CUL4B: variants seen among roughly 807,000 people sequenced by gnomAD.
The protein encoded by CUL4B is cullin-4B.
A neutral mutation model predicts 69.2 loss-of-function variants in CUL4B; 1 was observed. The observed-to-expected ratio is 0.01, with a 90% CI of 0.01 to 0.07. The LOEUF (loss-of-function observed/expected upper bound fraction) is 0.07, where lower values mean the gene tolerates loss of function less well. Among genes scored for constraint, CUL4B ranks in the 10% least tolerant of loss-of-function variants. CUL4B has a pLI of 1.00. For missense variants in CUL4B, 328 were observed against 638.8 expected (o/e 0.51, Z 5.24); for synonymous variants, 237 against 223.2 (o/e 1.06, Z -0.55).
At chrX:120,565,294 G>A (rs1284141340), upstream of CUL4B, among the ~76,000 whole-genome samples, 2 of 110,332 alleles carry the variant, frequency 1.8e-5, no homozygotes, top group African/African-American at 6.6e-5. Context: ...CTTAGGAATG[G>A]GAGAGACTGC....
In CUL4B at chrX:120,538,644, A is replaced by G. The variant is rs756920132; in HGVS notation, c.1852+16T>C. ...CAGGAATCAAAGAAAAGGAACAGAA[A>G]GAATGAGAAACCTACCATGTTTAAG... On this transcript the variant is annotated intron_variant, in intron 13 of 19. Transcript: ENST00000371322. The G allele has an allele frequency of 3.8e-6, 4 of 1,051,544 alleles. No individual in the cohort carries two copies. Among genetic ancestry groups the G allele is most frequent in the Non-Finnish European group, 4.0e-6 (3 of 750,531 alleles). 86.7% of individuals were successfully genotyped at this position (1,051,544 alleles called of 1,213,427 possible).
In CUL4B at chrX:120,525,425, CAAAAT is replaced by C. The variant is rs1204892872; in HGVS notation, c.*1331_*1335del. 6 of 111,230 alleles carry C rather than the reference CAAAAT, an allele frequency of 5.4e-5. No individual in the cohort carries two copies. The highest frequency in any genetic ancestry group is 2.0e-4 in the African/African-American group (6 of 30,706). 9.2% of individuals were successfully genotyped at this position (111,230 alleles called of 1,213,427 possible). A position where few individuals can be genotyped will look rare whatever the true frequency, so the allele number is the denominator to read the frequency against. ...CTTCAAGGAAATAGAAACAAGGAAACAAAATAAAAACAAAAAAAAATCAGTGACAG... is the reference window on the plus strand; with the variant it reads ...CTTCAAGGAAATAGAAACAAGGAAACAAAAACAAAAAAAAATCAGTGACAG... On this transcript the variant is annotated 3_prime_UTR_variant, in exon 20 of 20. Coordinates refer to ENST00000371322, the MANE Select transcript of CUL4B (RefSeq NM_001079872.2).
Position 120,550,611 on chromosome X carries a change from CAG to C in CUL4B, c.673-3374_673-3373del, listed in dbSNP as rs768464875. Among the ~76,000 whole-genome samples, 366 of 111,998 alleles carry C rather than the reference CAG, an allele frequency of 3.3e-3. 1 individual carries two copies. The highest frequency in any genetic ancestry group is 0.012 in the African/African-American group (355 of 30,816). On this transcript the variant is annotated intron_variant, in intron 2 of 19. Coordinates refer to ENST00000371322, the MANE Select transcript of CUL4B (RefSeq NM_001079872.2). ...GAGAATTAAGCTGGGCTTTACAGCA[CAG>C]AGTCTCACCTGTGTTTGGCTGGAGG...
intron 14 of CUL4B, among the ~76,000 whole-genome samples, chrX:120,537,373 CT>C (rs1252162186): frequency 2.7e-5 from 3 of 110,946 alleles, no homozygotes; most frequent in Non-Finnish European, 1.9e-5. Context: ...TTGAATACCC[CT>C]ATGTGGCTTA....
chrX:120,527,945 G>T (rs776777559), intron 19 of CUL4B, among the ~76,000 whole-genome samples: 1 of 112,285 alleles, frequency 8.9e-6, no homozygotes, highest in Non-Finnish European at 1.9e-5. Flanking sequence ...CCTTCGCGTG[G>T]TTAAATACAA....
At chrX:120,534,699 C>T in intron 16 of CUL4B, 113 bp from the exon 17 acceptor site, 1 of 543,340 alleles carries the variant, frequency 1.8e-6, no homozygotes, top group Non-Finnish European at 3.2e-6. Context: ...ACATGATTAG[C>T]ATTATCCAGC....
chrX:120,532,460 A>G lies in CUL4B; in HGVS notation c.2401T>C (p.Phe801Leu). 8.3e-7 allele frequency: 1 copy of G among 1,206,132 alleles called. No homozygotes were observed. Among genetic ancestry groups the G allele is most frequent in the Non-Finnish European group, 1.1e-6 (1 of 890,711 alleles). ...ICNDDFKHKLFRIKINQIQMK... is the reference protein window; with the variant it reads ...ICNDDFKHKLLRIKINQIQMK... ...TGGATTTGATTGATCTTTATCCTGA[A>G]AAGTTTATGTTTGAAATCATCATTA... is the stretch of plus-strand genomic sequence containing the variant. The change falls in exon 18 of 20, where the codon TTC (phenylalanine) becomes CTC (leucine). Residue 801 changes from phenylalanine to leucine, a missense_variant. By Grantham distance (22) the Phe-to-Leu change is conservative (BLOSUM62 0). Around this residue, in one of 4 missense-constraint regions of CUL4B, gnomAD observed 98 missense variants for 296.8 expected, o/e 0.33. Transcript: ENST00000371322.
upstream of CUL4B, among the ~76,000 whole-genome samples, chrX:120,565,137 G>A (rs766516618): frequency 2.7e-5 from 3 of 110,616 alleles, no homozygotes; most frequent in East Asian, 8.6e-4. Context: ...TCCCCAGGGT[G>A]CTTGGGGAAT....
At chrX:120,561,008 G>A, upstream of CUL4B, 1 of 966,079 alleles carries the variant, frequency 1.0e-6, no homozygotes, top group Non-Finnish European at 1.3e-6. Flanking sequence ...CCTGGGAGGG[G>A]AGAGGCTGTG....
intron 9 of CUL4B, among the ~76,000 whole-genome samples, chrX:120,542,064 C>T (rs929683445): frequency 2.7e-5 from 3 of 110,717 alleles, no homozygotes; most frequent in South Asian, 3.8e-4. Context: ...CCCCCTCCCC[C>T]TCTCTATTTT....
chrX:120,541,350 T>C (rs2147330797), intron 10 of CUL4B, among the ~76,000 whole-genome samples: 1 of 111,265 alleles, frequency 9.0e-6, no homozygotes, highest in African/African-American at 3.3e-5. Flanking sequence ...AAATACAAAA[T>C]TAGCCAGGCA....
At chrX:120,534,258 C>T (rs1923512565) in intron 17 of CUL4B, among the ~76,000 whole-genome samples, 1 of 106,217 alleles carries the variant, frequency 9.4e-6, no homozygotes, top group Non-Finnish European at 1.9e-5. Context: ...CTTGTAGTCC[C>T]ATCTGCTTGG....
intron 2 of CUL4B, among the ~76,000 whole-genome samples, chrX:120,551,137 C>T (rs1390104176): frequency 9.0e-6 from 1 of 111,674 alleles, no homozygotes; most frequent in Non-Finnish European, 1.9e-5. Context: ...AACTTCCCCA[C>T]CACCATACTT....
At chrX:120,528,129 G>A (rs1344164493) in intron 19 of CUL4B, among the ~76,000 whole-genome samples, 1 of 111,588 alleles carries the variant, frequency 9.0e-6, no homozygotes, top group Non-Finnish European at 1.9e-5. Flanking sequence ...TATTTAGACC[G>A]GGTGTGGTGG....
At chrX:120,552,864 T>C in intron 2 of CUL4B, among the ~76,000 whole-genome samples, 1 of 112,022 alleles carries the variant, frequency 8.9e-6, no homozygotes, top group Non-Finnish European at 1.9e-5. Context: ...AACAAAAAAT[T>C]CAACAACTGA....
intron 9 of CUL4B, 84 bp downstream of exon 9, chrX:120,542,882 A>T: frequency 1.4e-6 from 1 of 702,580 alleles, no homozygotes; most frequent in Non-Finnish European, 2.2e-6. Flanking sequence ...TCAAACTTTT[A>T]AAAGGGCAAC....
At chrX:120,540,593 A>G (rs2097123367) in intron 10 of CUL4B, 31 bp from the exon 11 acceptor site, 1 of 1,019,787 alleles carries the variant, frequency 9.8e-7, no homozygotes, top group Non-Finnish European at 1.4e-6. Context: ...TTTTTACTGT[A>G]ATCGAATTGT....
Position 120,525,244 on chromosome X carries a change from A to C in CUL4B, c.*1517T>G, listed in dbSNP as rs1407065522. Reference sequence around the variant, plus strand: ...CTCAAGCAAACAATCAACAGTAGACACAAGAGTCAAAAATCTTCTCAGGTT... The same window carrying C: ...CTCAAGCAAACAATCAACAGTAGACCCAAGAGTCAAAAATCTTCTCAGGTT... On this transcript the variant is annotated 3_prime_UTR_variant, in exon 20 of 20. Coordinates refer to ENST00000371322, the MANE Select transcript of CUL4B (RefSeq NM_001079872.2). 1 of 111,966 alleles carries C rather than the reference A, an allele frequency of 8.9e-6. No individual in the cohort carries two copies. The highest frequency in any genetic ancestry group is 3.2e-5 in the African/African-American group (1 of 30,857). 9.2% of individuals were successfully genotyped at this position (111,966 alleles called of 1,213,427 possible). A position where few individuals can be genotyped will look rare whatever the true frequency, so the allele number is the denominator to read the frequency against.
rs1922848718 is a variant in CUL4B, at chrX:120,524,197, T to C, written c.*2564A>G. Among the ~76,000 whole-genome samples, 1 of 111,341 alleles carries C rather than the reference T, an allele frequency of 9.0e-6. No homozygotes were observed. The highest frequency in any genetic ancestry group is 3.3e-5 in the African/African-American group (1 of 30,664). On this transcript the variant is annotated 3_prime_UTR_variant, in exon 20 of 20. Transcript: ENST00000371322. ...AAAAACTTTGAGGAACATCTTACTC[T>C]GAGAGTATCTGGCCCAGAACTCAAA...
Sources: gnomAD v4.1 joint callset for allele counts (sites outside exome capture counted in the v4.1 genomes callset) on GRCh38, gnomAD v4.1.1 for gene constraint, gnomAD v4.1.1 regional missense constraint, MANE v1.5 for transcripts, NCBI Gene and HGNC (gene_info 2026-07-23, HGNC 2026-07-21) for gene names.